BTK: variants seen among roughly 807,000 people sequenced by gnomAD.
BTK encodes the protein tyrosine-protein kinase BTK.
BTK carries 5 observed loss-of-function variants against 57.4 expected under a neutral mutation model. The observed-to-expected ratio is 0.09, with a 90% CI of 0.05 to 0.18. The LOEUF (loss-of-function observed/expected upper bound fraction) is 0.18. BTK is among the 10% of genes least tolerant of loss of function. BTK has a pLI of 1.00. For missense variants in BTK, 194 were observed against 501.2 expected (o/e 0.39, Z 5.85); for synonymous variants, 154 against 174.3 (o/e 0.88, Z 0.92).
chrX:101,350,550 G>A (rs948622171), intron 18 of BTK, among the ~76,000 whole-genome samples: 34 of 107,854 alleles, frequency 3.2e-4, no homozygotes, highest in African/African-American at 1.1e-3. Flanking sequence ...AGGTTCAAGC[G>A]ATTTTCCTGC....
chrX:101,369,923 T>A, intron 5 of BTK, 75 bp downstream of exon 5: 1 of 968,271 alleles, frequency 1.0e-6, no homozygotes, highest in Admixed American at 2.3e-5. Context: ...CCTTCTTTCC[T>A]TTTCCTCCCG....
intron 1 of BTK, among the ~76,000 whole-genome samples, chrX:101,381,025 A>G (rs1346860187): frequency 9.3e-6 from 1 of 107,838 alleles, no homozygotes; most frequent in Non-Finnish European, 1.9e-5. Context: ...AAAAAAAAAA[A>G]AAAGAAAATT....
In BTK at chrX:101,371,620, G is replaced by A. The variant is rs782149320; in HGVS notation, c.309+13C>T. 1.3e-5 allele frequency: 16 copies of A among 1,205,440 alleles called. 1 individual carries two copies. In the South Asian group the frequency reaches 2.6e-4, roughly 20 times the overall value. The stretch of plus-strand genomic sequence containing the variant: ...AGGGGCCTTTCGAGATTTGGTGAGA[G>A]AAAATAACTCACCTGGAAGGGATAA... On this transcript the variant is annotated intron_variant, in intron 4 of 18. Coordinates refer to ENST00000308731, the MANE Select transcript of BTK (RefSeq NM_000061.3).
chrX:101,362,536 A>T, intron 6 of BTK, 25 bp downstream of exon 6: 1 of 1,211,428 alleles, frequency 8.3e-7, no homozygotes, highest in Non-Finnish European at 1.1e-6. Flanking sequence ...AAGGAGAAAG[A>T]AATTATATCG....
intron 18 of BTK, among the ~76,000 whole-genome samples, chrX:101,352,176 A>G (rs1926312899): frequency 9.1e-6 from 1 of 110,436 alleles, no homozygotes; most frequent in Non-Finnish European, 1.9e-5. Context: ...AAAAAAAAAA[A>G]AAAAATCTCA....
intron 1 of BTK, among the ~76,000 whole-genome samples, chrX:101,377,104 C>T (rs73559002): frequency 0.013 from 1,436 of 111,066 alleles, 28 homozygotes; most frequent in African/African-American, 0.045. Flanking sequence ...GGCAAGAGTG[C>T]AAACCTTTCC....
In BTK at chrX:101,359,355, G is replaced by A. The variant is rs782779283; in HGVS notation, c.840-8C>T. The A allele has an allele frequency of 1.6e-5, 19 of 1,210,977 alleles. No individual in the cohort carries two copies. Among genetic ancestry groups the A allele is most frequent in the Non-Finnish European group, 2.1e-5 (19 of 894,727 alleles). On this transcript the variant is annotated splice_region_variant and splice_polypyrimidine_tract_variant and intron_variant, in intron 9 of 18. Coordinates refer to ENST00000308731, the MANE Select transcript of BTK (RefSeq NM_000061.3). ...ATGTGTTTGGAATACCACCTGTGAA[G>A]GGAGAGTGCTGCTTGAGTGGCTCCT...
rs1322544991 is a variant in BTK, at chrX:101,349,556, C to CA, written c.*328dup. 3 of 259,101 alleles carry CA rather than the reference C, an allele frequency of 1.2e-5. No homozygotes were observed. The highest frequency in any genetic ancestry group is 2.0e-5 in the Non-Finnish European group (3 of 146,558). The allele number at this position is 259,101 out of a possible 1,213,427, so 21.4% of individuals were successfully genotyped here. ...CGGTCCACCCCCACACACACACCCC[C>CA]AAGCTCTACCAAATGCCTACTCAAA... is the stretch of plus-strand genomic sequence containing the variant. On this transcript the variant is annotated 3_prime_UTR_variant, in exon 19 of 19. Coordinates refer to ENST00000308731, the MANE Select transcript of BTK (RefSeq NM_000061.3).
intron 4 of BTK, among the ~76,000 whole-genome samples, chrX:101,371,019 C>A (rs782215932): frequency 3.6e-5 from 4 of 112,149 alleles, no homozygotes; most frequent in African/African-American, 9.7e-5. Flanking sequence ...AAAGCCCCCT[C>A]CCCTGAGACT....
intron 15 of BTK, chrX:101,355,526 A>G (rs782281413): frequency 4.0e-4 from 52 of 130,673 alleles, no homozygotes; most frequent in African/African-American, 1.6e-3. Flanking sequence ...GTTCGTGAGA[A>G]TGTGGACCTG....
intron 18 of BTK, among the ~76,000 whole-genome samples, chrX:101,350,823 T>G (rs976171452): frequency 8.9e-5 from 10 of 111,887 alleles, no homozygotes; most frequent in Middle Eastern, 9.2e-3. Context: ...CAGGGAACAT[T>G]CATGCCAGAA....
At chrX:101,380,175 C>A (rs1555981568) in intron 1 of BTK, among the ~76,000 whole-genome samples, 1 of 111,567 alleles carries the variant, frequency 9.0e-6, no homozygotes, top group African/African-American at 3.3e-5. Context: ...AGCAAGATCA[C>A]CACTCACTGC....
intron 3 of BTK, among the ~76,000 whole-genome samples, chrX:101,372,511 C>T (rs1384618957): frequency 3.7e-5 from 4 of 109,077 alleles, no homozygotes; most frequent in African/African-American, 1.3e-4. Flanking sequence ...TGCAGTGGTG[C>T]GATCTCGGCT....
chrX:101,362,021 A>G, intron 7 of BTK, 152 bp downstream of exon 7: 5 of 594,829 alleles, frequency 8.4e-6, no homozygotes, highest in Non-Finnish European at 1.1e-5. Context: ...ATCGAGGAGG[A>G]AATCCTAATT....
intron 1 of BTK, among the ~76,000 whole-genome samples, chrX:101,376,849 A>T (rs3027621): frequency 0.011 from 1,244 of 110,515 alleles, 10 homozygotes; most frequent in Middle Eastern, 0.037. Context: ...TAAGCAGATT[A>T]TTGCTCACAC....
intron 16 of BTK, among the ~76,000 whole-genome samples, chrX:101,354,399 AGAG>A (rs1926396115): frequency 9.0e-6 from 1 of 111,721 alleles, no homozygotes. Flanking sequence ...GATTTAAAAA[AGAG>A]GAGGTAGAGA....
chrX:101,352,055 C>T (rs1177528721), intron 18 of BTK, among the ~76,000 whole-genome samples: 2 of 107,266 alleles, frequency 1.9e-5, no homozygotes, highest in African/African-American at 3.4e-5. Flanking sequence ...CCCAGCTACT[C>T]GAGAGGCTGA....
intron 2 of BTK, among the ~76,000 whole-genome samples, 169 bp from the exon 3 acceptor site, chrX:101,374,803 T>C (rs182712181): frequency 1.8e-3 from 201 of 111,506 alleles, no homozygotes; most frequent in Middle Eastern, 4.6e-3. Flanking sequence ...GACTACCAAA[T>C]GGAGGGCAAA....
At chrX:101,352,428 A>G (rs1431011398) in intron 18 of BTK, among the ~76,000 whole-genome samples, 1 of 111,625 alleles carries the variant, frequency 9.0e-6, no homozygotes, top group African/African-American at 3.3e-5. Flanking sequence ...GGCCTGGGAA[A>G]GCCTCTGGCC....
Sources: allele counts gnomAD v4.1 joint callset (sites outside exome capture counted in the v4.1 genomes callset), GRCh38; gene constraint gnomAD v4.1.1; transcripts MANE v1.5; gene names NCBI Gene and HGNC (gene_info 2026-07-23, HGNC 2026-07-21).